ERC2: variants seen among roughly 807,000 people sequenced by gnomAD.
ERC2 encodes ERC protein 2.
A neutral mutation model predicts 114.8 loss-of-function variants in ERC2; 42 were observed. The observed-to-expected ratio is 0.37, with a 90% CI of 0.29 to 0.47. The LOEUF (loss-of-function observed/expected upper bound fraction) is 0.47. ERC2 is among the 20% of genes least tolerant of loss of function. The pLI, the probability that ERC2 is intolerant of heterozygous loss-of-function variation, is 0.99. For missense variants in ERC2, 939 were observed against 1,150.7 expected, an observed-to-expected ratio of 0.82 and a Z score of 2.66; for synonymous variants, 454 against 425.5, an observed-to-expected ratio of 1.07 and a Z score of -0.82.
intron 14 of ERC2, among the ~76,000 whole-genome samples, chr3:55,827,822 AG>A (rs1384200106): frequency 6.6e-6 from 1 of 152,256 alleles, no homozygotes; most frequent in Non-Finnish European, 1.5e-5. Flanking sequence ...CTGTATGACT[AG>A]TAAACCAGAC....
intron 3 of ERC2, among the ~76,000 whole-genome samples, chr3:56,226,589 A>T (rs1227789506): frequency 6.6e-6 from 1 of 152,104 alleles, no homozygotes; most frequent in Non-Finnish European, 1.5e-5. Context: ...ACATAAAAAG[A>T]CAGGAAAGAG....
chr3:56,408,895 G>A (rs1162244435), intron 2 of ERC2, among the ~76,000 whole-genome samples: 4 of 152,250 alleles, frequency 2.6e-5, no homozygotes, highest in African/African-American at 9.6e-5. Context: ...CTGCACGCGC[G>A]CCTGAGGAAC....
intron 2 of ERC2, among the ~76,000 whole-genome samples, chr3:56,321,242 A>C (rs2057114791): frequency 6.6e-6 from 1 of 152,212 alleles, no homozygotes; most frequent in African/African-American, 2.4e-5. Flanking sequence ...TTAAACTTTA[A>C]GTATGCAAAT....
At chr3:56,421,561 T>C (rs1447100005) in intron 2 of ERC2, among the ~76,000 whole-genome samples, 2 of 152,212 alleles carry the variant, frequency 1.3e-5, no homozygotes, top group Non-Finnish European at 2.9e-5. Context: ...TGGTGAGCAC[T>C]TGAATGAAGA....
At chr3:56,033,827 G>C (rs928450276) in intron 7 of ERC2, among the ~76,000 whole-genome samples, 1 of 151,656 alleles carries the variant, frequency 6.6e-6, no homozygotes, top group East Asian at 1.9e-4. Context: ...GCAGGGTCTT[G>C]CTCTGCCACC....
chr3:56,088,255 G>A (rs2077608450), intron 6 of ERC2, among the ~76,000 whole-genome samples: 1 of 152,080 alleles, frequency 6.6e-6, no homozygotes, highest in African/African-American at 2.4e-5. Context: ...AAAACGGGTT[G>A]GACTTACAGT....
At chr3:55,952,212 A>ATG (rs1559923323) in intron 12 of ERC2, among the ~76,000 whole-genome samples, 1 of 122,166 alleles carries the variant, frequency 8.2e-6, no homozygotes, top group Non-Finnish European at 1.8e-5. Context: ...ATATATATAT[A>ATG]TATATTCTGA....
chr3:55,830,613 TTAGGTAC>T (rs1454012448), intron 14 of ERC2, among the ~76,000 whole-genome samples: 1 of 152,110 alleles, frequency 6.6e-6, no homozygotes, highest in Non-Finnish European at 1.5e-5. Flanking sequence ...CTATGAAAGG[TTAGGTAC>T]CTGTATAGTA....
chr3:56,290,780 A>T (rs1276766543), intron 3 of ERC2, among the ~76,000 whole-genome samples: 1 of 152,180 alleles, frequency 6.6e-6, no homozygotes, highest in African/African-American at 2.4e-5. Flanking sequence ...CCTGGGTTCA[A>T]CCTGGATAAG....
chr3:55,874,768 C>G (rs1405932385), intron 14 of ERC2, among the ~76,000 whole-genome samples: 1 of 152,028 alleles, frequency 6.6e-6, no homozygotes, highest in Non-Finnish European at 1.5e-5. Context: ...CTTGAGGCAT[C>G]CAGACGCTAG....
Position 56,434,642 on chromosome 3 carries a change from A to G in ERC2, c.366T>C (p.Gly122=). ...GATGATGGGATGAGCCAGTCAGCCC[A>G]CCATGTTGATCTGTGTATGAAAGGA... ...TDVLSYTDQH[G]GLTGSSHHHH... is the part of the protein sequence containing the mutation. The change falls in exon 2 of 18, where the codon GGT becomes GGC. Residue 122 remains glycine (G), a synonymous_variant. Coordinates refer to ENST00000288221, the MANE Select transcript of ERC2 (RefSeq NM_015576.3). 1 of 1,613,958 alleles carries G rather than the reference A, an allele frequency of 6.2e-7. No homozygotes were observed.
At chr3:56,172,837 A>G (rs1325368279) in intron 4 of ERC2, among the ~76,000 whole-genome samples, 1 of 152,162 alleles carries the variant, frequency 6.6e-6, no homozygotes, top group Non-Finnish European at 1.5e-5. Flanking sequence ...ATGATTCCTT[A>G]AACGCCCTAA....
chr3:55,899,670 AG>A (rs1173964239), intron 13 of ERC2, among the ~76,000 whole-genome samples: 1 of 152,236 alleles, frequency 6.6e-6, no homozygotes, highest in East Asian at 1.9e-4. Flanking sequence ...TGAGGAAAGC[AG>A]GTGGTAAATG....
chr3:56,183,722 G>A (rs1002094264), intron 3 of ERC2, among the ~76,000 whole-genome samples: 2 of 152,116 alleles, frequency 1.3e-5, no homozygotes, highest in African/African-American at 4.8e-5. Context: ...TCTAGTGCAT[G>A]CATTCTCAAT....
intron 17 of ERC2, among the ~76,000 whole-genome samples, chr3:55,678,226 A>G (rs1267025915): frequency 6.6e-6 from 1 of 152,218 alleles, no homozygotes; most frequent in Non-Finnish European, 1.5e-5. Flanking sequence ...AACACCTCGT[A>G]GCTACTTCTG....
chr3:55,671,516 C>T (rs1456982592), intron 17 of ERC2, among the ~76,000 whole-genome samples: 12 of 152,206 alleles, frequency 7.9e-5, no homozygotes, highest in Middle Eastern at 3.4e-3. Flanking sequence ...TCTCCTTTGC[C>T]GACATCCTTT....
intron 17 of ERC2, among the ~76,000 whole-genome samples, chr3:55,552,163 T>C (rs2055252752): frequency 2.6e-5 from 4 of 152,306 alleles, no homozygotes; most frequent in South Asian, 2.1e-4. Flanking sequence ...CCAATCGGCA[T>C]GCCCAAAAGG....
chr3:55,702,006 C>T (rs939804422), intron 15 of ERC2, among the ~76,000 whole-genome samples: 5 of 152,140 alleles, frequency 3.3e-5, no homozygotes, highest in Non-Finnish European at 5.9e-5. Flanking sequence ...TTGTAAACAT[C>T]GTAATATCCT....
intron 14 of ERC2, among the ~76,000 whole-genome samples, chr3:55,843,048 T>C (rs956414963): frequency 1.3e-5 from 2 of 152,206 alleles, no homozygotes; most frequent in African/African-American, 4.8e-5. Context: ...TACGGACATT[T>C]AGCTGGCCTG....
Sources: gnomAD v4.1 joint callset for allele counts (sites outside exome capture counted in the v4.1 genomes callset) on GRCh38, gnomAD v4.1.1 for gene constraint, MANE v1.5 for transcripts, NCBI Gene and HGNC (gene_info 2026-07-23, HGNC 2026-07-21) for gene names.